Variants in STAG2 observed in about 807,000 individuals in gnomAD.
The protein encoded by STAG2 is STAG2 cohesin complex component.
In STAG2, 14 loss-of-function variants were observed where a neutral mutation model predicts 108.1. That is an observed-to-expected ratio of 0.13 (90% CI 0.09 to 0.20). The LOEUF (loss-of-function observed/expected upper bound fraction) is 0.20. Ranked by LOEUF, STAG2 falls within the 10% of genes least tolerant of loss-of-function variation. The pLI is 1.00. For synonymous variants in STAG2, 307 were observed against 302.7 expected (o/e 1.01, Z -0.15); for missense variants, 440 against 940.9 (o/e 0.47, Z 6.96).
At chrX:124,037,084 C>T (rs1281845866) in intron 5 of STAG2, among the ~76,000 whole-genome samples, 1 of 110,529 alleles carries the variant, frequency 9.0e-6, no homozygotes, top group Non-Finnish European at 1.9e-5. Context: ...CAAGGTTTTA[C>T]CATGTCAGCC....
chrX:123,981,632 G>A (rs1437410287), intron 1 of STAG2, among the ~76,000 whole-genome samples: 2 of 111,571 alleles, frequency 1.8e-5, no homozygotes, highest in Non-Finnish European at 3.8e-5. Context: ...GAACATTGGT[G>A]TACAAATATC....
intron 1 of STAG2, among the ~76,000 whole-genome samples, chrX:123,997,165 G>C (rs774546911): frequency 8.9e-6 from 1 of 111,994 alleles, no homozygotes; most frequent in Non-Finnish European, 1.9e-5. Context: ...AGTAGTGTGA[G>C]TCTTCCAACT....
chrX:123,991,671 T>C (rs1370976316), intron 1 of STAG2, among the ~76,000 whole-genome samples: 2 of 107,914 alleles, frequency 1.9e-5, no homozygotes, highest in Non-Finnish European at 3.9e-5. Context: ...ATTTTCTTTT[T>C]TTTTTTTTTT....
At chrX:124,039,476 T>C (rs1241096219) in intron 6 of STAG2, among the ~76,000 whole-genome samples, 3 of 109,889 alleles carry the variant, frequency 2.7e-5, no homozygotes, top group Non-Finnish European at 5.7e-5. Flanking sequence ...GAGACAGATC[T>C]GGCTGTGTTG....
At chrX:123,984,559 G>C (rs1318453172) in intron 1 of STAG2, among the ~76,000 whole-genome samples, 1 of 111,687 alleles carries the variant, frequency 9.0e-6, no homozygotes. Flanking sequence ...GTCTCTAATA[G>C]TGCCTGATAT....
At chrX:124,093,892 A>G (rs1229695922) in intron 32 of STAG2, 126 bp from the exon 33 acceptor site, 2 of 731,514 alleles carry the variant, frequency 2.7e-6, no homozygotes, top group African/African-American at 2.1e-5. Flanking sequence ...ATGCCTAATC[A>G]TTCTCCCTGA....
rs1329908747 is a variant in STAG2, at chrX:124,077,964, A to G, written c.2681A>G (p.Asn894Ser). 2 of 1,148,671 alleles carry G rather than the reference A, an allele frequency of 1.7e-6. No individual in the cohort carries two copies. Among genetic ancestry groups the G allele is most frequent in the Non-Finnish European group, 2.3e-6 (2 of 855,468 alleles). The allele number at this position is 1,148,671 out of a possible 1,213,427, so 94.7% of individuals were successfully genotyped here. A position where few individuals can be genotyped will look rare whatever the true frequency, so the allele number is the denominator to read the frequency against. ...DIFKQYMKYYNDYGDIIKETM... is the reference protein window; with the variant it reads ...DIFKQYMKYYSDYGDIIKETM... Reference sequence around the variant, plus strand: ...GTACAAATTTCTTTATAGTATTATAATGACTATGGAGATATCATCAAAGAA... The same window carrying G: ...GTACAAATTTCTTTATAGTATTATAGTGACTATGGAGATATCATCAAAGAA... The change falls in exon 27 of 35, where the codon AAT becomes AGT. Residue 894 changes from asparagine (N) to serine (S), a missense_variant. Asn to Ser is a conservative substitution (Grantham distance 46). This residue lies in a region of STAG2 where 337 missense variants were observed against 649.3 expected (regional missense o/e 0.52). Coordinates refer to ENST00000371145, the MANE Select transcript of STAG2 (RefSeq NM_001042750.2).
chrX:124,067,397 T>A (rs1183396455), intron 23 of STAG2, among the ~76,000 whole-genome samples: 1 of 107,895 alleles, frequency 9.3e-6, no homozygotes, highest in African/African-American at 3.4e-5. Context: ...GCCTCCTAAG[T>A]AGCTGAAACT....
chrX:123,968,501 A>C (rs752682346), intron 1 of STAG2, among the ~76,000 whole-genome samples: 31 of 111,169 alleles, frequency 2.8e-4, no homozygotes, highest in African/African-American at 9.8e-4. Flanking sequence ...CTCTACAAAA[A>C]AATTTAACAA....
At chrX:124,024,996 A>G (rs1221668501) in intron 3 of STAG2, among the ~76,000 whole-genome samples, 2 of 111,939 alleles carry the variant, frequency 1.8e-5, no homozygotes, top group African/African-American at 3.2e-5. Flanking sequence ...AGCATCACAC[A>G]TATTTATTTA....
intron 30 of STAG2, among the ~76,000 whole-genome samples, chrX:124,088,386 G>A (rs1384534952): frequency 9.0e-6 from 1 of 110,798 alleles, no homozygotes; most frequent in Non-Finnish European, 1.9e-5. Context: ...AGAAATTGGG[G>A]CATTAATAAG....
At chrX:123,991,349 G>T (rs978157271) in intron 1 of STAG2, among the ~76,000 whole-genome samples, 2 of 110,759 alleles carry the variant, frequency 1.8e-5, no homozygotes, top group African/African-American at 6.6e-5. Flanking sequence ...AAGTAATATG[G>T]TATAACAATT....
chrX:123,978,467 A>G (rs184598283), intron 1 of STAG2, among the ~76,000 whole-genome samples: 1 of 111,048 alleles, frequency 9.0e-6, no homozygotes, highest in African/African-American at 3.3e-5. Context: ...AGTGGACAAT[A>G]ATGTGAGTGG....
chrX:124,072,904 C>CTTTTTTTTTTTTTTTTT (rs779996801), intron 25 of STAG2, among the ~76,000 whole-genome samples: 5 of 72,691 alleles, frequency 6.9e-5, no homozygotes, highest in Non-Finnish European at 7.6e-5. Context: ...TTCTTTCTTT[C>CTTTTTTTTTTTTTTTTT]TTTTTTTTTT....
intron 1 of STAG2, among the ~76,000 whole-genome samples, chrX:123,974,731 A>G (rs2054542941): frequency 9.2e-6 from 1 of 108,712 alleles, no homozygotes; most frequent in Non-Finnish European, 1.9e-5. Flanking sequence ...GGTGCATGCC[A>G]CCACGCCTGG....
At chrX:124,022,280 A>T (rs897186839) in intron 2 of STAG2, among the ~76,000 whole-genome samples, 3 of 109,326 alleles carry the variant, frequency 2.7e-5, no homozygotes, top group African/African-American at 1.0e-4. Flanking sequence ...CTGAGGTAGG[A>T]GAATCGCTTG....
At chrX:124,096,231 A>G (rs886160955) in intron 34 of STAG2, among the ~76,000 whole-genome samples, 1 of 110,971 alleles carries the variant, frequency 9.0e-6, no homozygotes, top group Non-Finnish European at 1.9e-5. Flanking sequence ...CAGCCTAGCA[A>G]ACAAAGCCTT....
At chrX:124,089,923 G>T (rs182520946) in intron 30 of STAG2, among the ~76,000 whole-genome samples, 1 of 110,097 alleles carries the variant, frequency 9.1e-6, no homozygotes, top group Non-Finnish European at 1.9e-5. Flanking sequence ...CACTATAGGA[G>T]GCCAAGGCAG....
In STAG2 at chrX:124,026,172, C is replaced by A. The variant is rs189855488; in HGVS notation, c.123+254C>A. ...AATAATAATAATAATAATAATAATACATTTCCAGTAGTTTATTTCGTAAAG... is the reference window on the plus strand; with the variant it reads ...AATAATAATAATAATAATAATAATAAATTTCCAGTAGTTTATTTCGTAAAG... On this transcript the variant is annotated intron_variant, in intron 4 of 34. Coordinates refer to ENST00000371145, the MANE Select transcript of STAG2 (RefSeq NM_001042750.2). 8.9e-3 allele frequency among the ~76,000 whole-genome samples: 709 copies of A among 79,495 alleles called. 10 individuals carry two copies. Among genetic ancestry groups the A allele is most frequent in the African/African-American group, 0.03 (670 of 22,075 alleles). The allele number at this position is 79,495 out of a possible 115,157, so 69.0% of individuals were successfully genotyped here. A position where few individuals can be genotyped will look rare whatever the true frequency, so the allele number is the denominator to read the frequency against.
Sources: gnomAD v4.1 joint callset for allele counts (sites outside exome capture counted in the v4.1 genomes callset) on GRCh38, gnomAD v4.1.1 for gene constraint, gnomAD v4.1.1 regional missense constraint, MANE v1.5 for transcripts, NCBI Gene and HGNC (gene_info 2026-07-23, HGNC 2026-07-21) for gene names.